Variants in TACC1 observed in about 807,000 individuals in gnomAD.
The protein encoded by TACC1 is transforming acidic coiled-coil-containing protein 1.
In TACC1, 48 loss-of-function variants were observed where a neutral mutation model predicts 84.4. That is an observed-to-expected ratio of 0.57 (90% CI 0.45 to 0.72). TACC1 has a LOEUF of 0.72. Ranked by LOEUF, TACC1 falls within the 30% of genes least tolerant of loss-of-function variation. The probability of loss-of-function intolerance (pLI) is 0.00; values close to 1 mark genes in which losing one functional copy is unlikely to be tolerated. For missense variants in TACC1, 920 were observed against 973.0 expected (o/e 0.95, Z 0.72); for synonymous variants, 372 against 376.3 (o/e 0.99, Z 0.13).
intron 3 of TACC1, among the ~76,000 whole-genome samples, chr8:38,779,049 G>A (rs1318599381): frequency 1.3e-5 from 2 of 149,826 alleles, no homozygotes; most frequent in African/African-American, 2.5e-5. Context: ...CCACAATCAC[G>A]GCTTACTTCA....
intron 4 of TACC1, 27 bp downstream of exon 4, chr8:38,825,395 T>C (rs1273476985): frequency 6.2e-7 from 1 of 1,613,754 alleles, no homozygotes; most frequent in East Asian, 2.2e-5. Context: ...CTCCAGAATG[T>C]CTCTGAGACC....
In TACC1 at chr8:38,831,175, C is replaced by T. The variant is rs1207183809; in HGVS notation, c.1711C>T (p.Leu571Phe). 2 of 1,614,034 alleles carry T rather than the reference C, an allele frequency of 1.2e-6. No individual in the cohort carries two copies. The highest frequency in any genetic ancestry group is 1.3e-5 in the African/African-American group (1 of 74,918). ...QKMEEDGSTVLGLLESSAEKA... is the reference protein window; with the variant it reads ...QKMEEDGSTVFGLLESSAEKA... ...GATGGAAGAAGACGGGTCCACTGTG[C>T]TTGTAAGTTCCTGAATGTGGAGGGC... Residue 571 changes from leucine (L) to phenylalanine (F), a missense_variant and splice_region_variant, in exon 6 of 13, where the codon CTT becomes TTT. Around this residue, in one of 2 missense-constraint regions of TACC1, gnomAD observed 762 missense variants for 747.3 expected, o/e 1.02. Coordinates refer to ENST00000317827, the MANE Select transcript of TACC1 (RefSeq NM_006283.3).
chr8:38,825,221 G>A (rs910204162), intron 3 of TACC1, 87 bp from the exon 4 acceptor site: 16 of 1,418,622 alleles, frequency 1.1e-5, no homozygotes, highest in African/African-American at 7.0e-5. Context: ...GCTTCTATCC[G>A]CACACACTGC....
At chr8:38,820,952 T>C (rs1225289790) in intron 3 of TACC1, among the ~76,000 whole-genome samples, 3 of 152,102 alleles carry the variant, frequency 2.0e-5, no homozygotes, top group Non-Finnish European at 2.9e-5. Context: ...ACACCTGTAA[T>C]CCCAGCACTT....
At chr8:38,807,462 AG>A (rs1310906187) in intron 2 of TACC1, among the ~76,000 whole-genome samples, 1 of 152,196 alleles carries the variant, frequency 6.6e-6, no homozygotes, top group African/African-American at 2.4e-5. Context: ...TCTAAAGGAG[AG>A]GAAGTGGTGG....
At chr8:38,813,045 TC>T (rs1257986766) in intron 2 of TACC1, among the ~76,000 whole-genome samples, 1 of 152,222 alleles carries the variant, frequency 6.6e-6, no homozygotes, top group Non-Finnish European at 1.5e-5. Context: ...AAATCCACTT[TC>T]CTCTTAATAG....
At position 38,760,893 on chromosome 8, in the gene TACC1, GTTA is replaced by G. The variant is rs370529071; in HGVS notation, c.26+15405_26+15407del. Among the ~76,000 whole-genome samples, 254 of 152,288 alleles carry G rather than the reference GTTA, an allele frequency of 1.7e-3. 1 individual carries two copies. Among genetic ancestry groups the G allele is most frequent in the Non-Finnish European group, 2.4e-3 (165 of 68,018 alleles). ...GCACTTAGTGAGTGTGCAATACGTA[GTTA>G]TTATGAACACATTTGCACATGTATG... On this transcript the variant is annotated intron_variant, in intron 3 of 14. Coordinates refer to the TACC1 transcript ENST00000518415.
At chr8:38,766,932 T>A (rs747131976) in intron 3 of TACC1, among the ~76,000 whole-genome samples, 1 of 152,212 alleles carries the variant, frequency 6.6e-6, no homozygotes, top group Admixed American at 6.5e-5. Flanking sequence ...GGAGTTTTTA[T>A]GGCTATTTCC....
chr8:38,834,932 A>G (rs931974818), intron 6 of TACC1, among the ~76,000 whole-genome samples: 41 of 152,206 alleles, frequency 2.7e-4, no homozygotes, highest in African/African-American at 9.2e-4. Context: ...GGATGTTCCC[A>G]AAGTATTAGA....
intron 3 of TACC1, among the ~76,000 whole-genome samples, chr8:38,758,362 T>C (rs1394894626): frequency 1.3e-5 from 2 of 152,134 alleles, no homozygotes; most frequent in African/African-American, 4.8e-5. Context: ...AATATAAACT[T>C]ACTTCAGGCA....
At chr8:38,807,282 G>C (rs1191334589) in intron 2 of TACC1, among the ~76,000 whole-genome samples, 1 of 152,132 alleles carries the variant, frequency 6.6e-6, no homozygotes, top group Non-Finnish European at 1.5e-5. Context: ...GGTCTTTCTG[G>C]TCGTCAGCCC....
chr8:38,846,613 G>A, intron 11 of TACC1, 86 bp from the exon 12 acceptor site: 1 of 1,518,674 alleles, frequency 6.6e-7, no homozygotes, highest in Non-Finnish European at 8.9e-7. Context: ...CCTCACAGAT[G>A]TCAGTGGTTA....
chr8:38,800,582 T>C (rs1051737320), intron 2 of TACC1, among the ~76,000 whole-genome samples: 2 of 152,350 alleles, frequency 1.3e-5, no homozygotes, highest in Non-Finnish European at 2.9e-5. Flanking sequence ...TTGTAGCAAG[T>C]ATCGGGACTT....
At position 38,827,177 on chromosome 8, in the gene TACC1, G is replaced by A. The variant is rs142394529; in HGVS notation, c.1462G>A (p.Ala488Thr). 1.6e-5 allele frequency: 26 copies of A among 1,613,348 alleles called. No individual in the cohort carries two copies. Among genetic ancestry groups the A allele is most frequent in the African/African-American group, 6.7e-5 (5 of 74,882 alleles). The change falls in exon 5 of 13, where the codon GCA (alanine) becomes ACA (threonine). Residue 488 changes from alanine (A) to threonine (T), a missense_variant. By Grantham distance (58) the Ala-to-Thr change is moderately conservative. Around this residue, in one of 2 missense-constraint regions of TACC1, gnomAD observed 762 missense variants for 747.3 expected, o/e 1.02. Coordinates refer to ENST00000317827, the MANE Select transcript of TACC1 (RefSeq NM_006283.3). ...CTGTTGTGTTTCTCAGGATGAAGGGGCAGTGATCTCCCAGATTTCAGACAT... is the reference window on the plus strand; with the variant it reads ...CTGTTGTGTTTCTCAGGATGAAGGGACAGTGATCTCCCAGATTTCAGACAT... ...ALDACSRDEG[A>T]VISQISDISN... is the part of the protein sequence containing the mutation.
rs370619384 is a variant in TACC1 at position 38,842,318 on chromosome 8, G to T, written c.1992G>T (p.Gln664His). The change falls in exon 10 of 13, where the codon CAG (glutamine) becomes CAT (histidine). Residue 664 changes from glutamine to histidine, a missense_variant. Gln to His is a conservative substitution (Grantham distance 24, BLOSUM62 0). Around this residue, in one of 2 missense-constraint regions of TACC1, gnomAD observed 158 missense variants for 225.6 expected, o/e 0.70. Transcript: ENST00000317827. ...EDEQRTSMTS[Q>H]KSFQQLTMEK... ...AACAAAGGACAAGTATGACCTCTCA[G>T]AAGAGCTTCCAGCAACTGACCATGG... The T allele has an allele frequency of 1.4e-5, 22 of 1,614,016 alleles. No homozygotes were observed. The African/African-American group carries it at 2.4e-4, about 18-fold the overall frequency.
chr8:38,758,880 G>C (rs1378472149), intron 3 of TACC1, among the ~76,000 whole-genome samples: 2 of 152,012 alleles, frequency 1.3e-5, no homozygotes, highest in Non-Finnish European at 2.9e-5. Context: ...CAGCTAGAAA[G>C]TGGTGGACCC....
At chr8:38,827,445 G>T in intron 5 of TACC1, 70 bp downstream of exon 5, 1 of 1,508,840 alleles carries the variant, frequency 6.6e-7, no homozygotes. Context: ...AATAAAGCAG[G>T]AGGAGCCTTA....
At chr8:38,754,219 T>C (rs1323677957) in intron 3 of TACC1, among the ~76,000 whole-genome samples, 1 of 152,154 alleles carries the variant, frequency 6.6e-6, no homozygotes, top group Non-Finnish European at 1.5e-5. Flanking sequence ...CCCAAAGTGC[T>C]GGGATTACAG....
At chr8:38,841,806 T>C (rs1024112464) in intron 9 of TACC1, among the ~76,000 whole-genome samples, 1 of 152,170 alleles carries the variant, frequency 6.6e-6, no homozygotes, top group Non-Finnish European at 1.5e-5. Context: ...ACAACAGGGA[T>C]TGATCCTCCT....
Sources: allele counts gnomAD v4.1 joint callset (sites outside exome capture counted in the v4.1 genomes callset), GRCh38; gene constraint gnomAD v4.1.1; regional missense constraint gnomAD v4.1.1; transcripts MANE v1.5; gene names NCBI Gene and HGNC (gene_info 2026-07-23, HGNC 2026-07-21).